The following TBXAS1 variants were observed in gnomAD, a reference collection of about 807,000 sequenced individuals.
TBXAS1 encodes thromboxane-A synthase.
Under a neutral mutation model 60.7 loss-of-function variants are expected in TBXAS1, and 48 were observed. The observed-to-expected ratio is 0.79, with a 90% CI of 0.63 to 1.01. The LOEUF is 1.01. TBXAS1 is among the 50% of genes least tolerant of loss of function. The pLI is 0.00. For missense variants in TBXAS1, 685 were observed against 686.3 expected, an observed-to-expected ratio of 1.00 and a Z score of 0.02; for synonymous variants, 287 against 269.7, an observed-to-expected ratio of 1.06 and a Z score of -0.63.
At chr7:139,784,603 A>T (rs1249201878) in intron 3 of TBXAS1, among the ~76,000 whole-genome samples, 1 of 152,224 alleles carries the variant, frequency 6.6e-6, no homozygotes, top group Non-Finnish European at 1.5e-5. Context: ...AATGTCTAGG[A>T]TATGTAAGAA....
chr7:139,930,400 G>A (rs2117155233), intron 4 of TBXAS1, among the ~76,000 whole-genome samples: 1 of 152,118 alleles, frequency 6.6e-6, no homozygotes, highest in Non-Finnish European at 1.5e-5. Flanking sequence ...AGTGAGTGAA[G>A]CCTCACAACT....
At chr7:139,872,560 A>C (rs1326083846) in intron 2 of TBXAS1, among the ~76,000 whole-genome samples, 2 of 152,238 alleles carry the variant, frequency 1.3e-5, no homozygotes, top group South Asian at 2.1e-4. Flanking sequence ...AGGCTGAGGC[A>C]GGAGAATCAC....
intron 5 of TBXAS1, among the ~76,000 whole-genome samples, chr7:139,950,031 G>A (rs1809072235): frequency 7.3e-6 from 1 of 137,762 alleles, no homozygotes; most frequent in Non-Finnish European, 1.5e-5. Context: ...TGTTGCAGGT[G>A]ATGGGATTTT....
chr7:139,862,034 G>C (rs1328628826), intron 1 of TBXAS1, among the ~76,000 whole-genome samples: 1 of 152,204 alleles, frequency 6.6e-6, no homozygotes, highest in Non-Finnish European at 1.5e-5. Flanking sequence ...TTGAGAAGTT[G>C]GTGGATTGTG....
chr7:140,000,001 C>T (rs549557406), intron 9 of TBXAS1, among the ~76,000 whole-genome samples: 1 of 152,284 alleles, frequency 6.6e-6, no homozygotes, highest in African/African-American at 2.4e-5. Context: ...TCTGCACACA[C>T]ACCCAGTGTG....
intron 3 of TBXAS1, among the ~76,000 whole-genome samples, chr7:139,903,303 C>T (rs1584809987): frequency 6.6e-6 from 1 of 152,104 alleles, no homozygotes; most frequent in East Asian, 1.9e-4. Context: ...GCATAGTATT[C>T]CACCATACAT....
intron 1 of TBXAS1, among the ~76,000 whole-genome samples, chr7:139,856,596 C>CTATGGGAGGAGTCATGAATATT (rs1258656651): frequency 6.6e-5 from 10 of 152,180 alleles, no homozygotes. Flanking sequence ...ATTCAATAAG[C>CTATGGGAGGAGTCATGAATATT]TATGGGAGGA....
rs182120185 is a variant in TBXAS1 at position 139,804,952 on chromosome 7, T to A, written c.-80+17526T>A. On this transcript the variant is annotated intron_variant, in intron 4 of 16. Transcript: ENST00000336425. ...TAATATATTTTGGAATGAGGAAAGATCTCTCTTGACTATGCATTCCCCCAA... is the reference window on the plus strand; with the variant it reads ...TAATATATTTTGGAATGAGGAAAGAACTCTCTTGACTATGCATTCCCCCAA... Among the ~76,000 whole-genome samples, 7 of 152,368 alleles carry A rather than the reference T, an allele frequency of 4.6e-5. No individual in the cohort carries two copies. In the East Asian group the frequency reaches 1.3e-3, roughly 29 times the overall value.
In TBXAS1 at chr7:139,896,545, G is replaced by A. The variant is rs929682936; in HGVS notation, c.237-14680G>A. On this transcript the variant is annotated intron_variant, in intron 3 of 12. Transcript: ENST00000448866. This position sits in a 1 kb window ranked among gnomAD's most constrained non-coding sequence, Gnocchi z 4.0. ...CTGGGCTATGGTATTTTACACATTC[G>A]TGACAAATACAGCAACATCTGTCAG... 1.1e-4 allele frequency among the ~76,000 whole-genome samples: 17 copies of A among 152,160 alleles called. No homozygotes were observed. The highest frequency in any genetic ancestry group is 6.2e-4 in the South Asian group (3 of 4,830).
At chr7:139,987,595 T>C (rs1297635762) in intron 9 of TBXAS1, among the ~76,000 whole-genome samples, 1 of 152,188 alleles carries the variant, frequency 6.6e-6, no homozygotes, top group Non-Finnish European at 1.5e-5. Flanking sequence ...TCACCCTGTG[T>C]CTTCCAACTT....
At position 139,957,883 on chromosome 7, in the gene TBXAS1, A is replaced by G. The variant is rs548040102; in HGVS notation, c.819+119A>G. ...CATCACACCGTGCCGTCCTTCAGCAACCCACCACTTACAGCTTCCAGGGAC... is the reference window on the plus strand; with the variant it reads ...CATCACACCGTGCCGTCCTTCAGCAGCCCACCACTTACAGCTTCCAGGGAC... On this transcript the variant is annotated intron_variant, in intron 8 of 12. Coordinates refer to ENST00000448866, the MANE Select transcript of TBXAS1 (RefSeq NM_001061.7). 43 of 1,425,792 alleles carry G rather than the reference A, an allele frequency of 3.0e-5. No individual in the cohort carries two copies. The African/African-American group carries it at 5.6e-4, about 19-fold the overall frequency. 88.3% of individuals were successfully genotyped at this position (1,425,792 alleles called of 1,614,324 possible). A position where few individuals can be genotyped will look rare whatever the true frequency, so the allele number is the denominator to read the frequency against.
chr7:139,800,142 C>T (rs1012958684), intron 4 of TBXAS1, among the ~76,000 whole-genome samples: 2 of 152,180 alleles, frequency 1.3e-5, no homozygotes, highest in African/African-American at 2.4e-5. Context: ...GAAGAACCTC[C>T]TGACAGTTCC....
At chr7:139,883,203 C>A (rs1802827960) in intron 3 of TBXAS1, among the ~76,000 whole-genome samples, 1 of 152,032 alleles carries the variant, frequency 6.6e-6, no homozygotes, top group Non-Finnish European at 1.5e-5. Flanking sequence ...TGATTTGAGT[C>A]CCACTTTTCT....
At chr7:139,912,929 A>G in intron 4 of TBXAS1, 1 of 596,516 alleles carries the variant, frequency 1.7e-6, no homozygotes, top group Non-Finnish European at 3.0e-6. Flanking sequence ...GCAGGGATTC[A>G]TGTGCCATCT....
chr7:139,906,070 CT>C (rs35857550), intron 3 of TBXAS1: 110,311 of 347,070 alleles, frequency 0.32, 8,340 homozygotes, highest in African/African-American at 0.43. Flanking sequence ...ACTCTAGCAT[CT>C]TTTTTTTTTT....
intron 5 of TBXAS1, chr7:139,952,716 G>A: frequency 6.7e-7 from 1 of 1,492,788 alleles, no homozygotes; most frequent in Non-Finnish European, 8.9e-7. Flanking sequence ...TAACATAAAA[G>A]TATTTTCCTA....
At chr7:140,000,739 T>G (rs1195923546) in intron 9 of TBXAS1, among the ~76,000 whole-genome samples, 1 of 152,220 alleles carries the variant, frequency 6.6e-6, no homozygotes, top group East Asian at 1.9e-4. Flanking sequence ...GAGCAGTTAT[T>G]TTATAAAATA....
At chr7:139,864,964 C>T (rs1427386484) in intron 1 of TBXAS1, among the ~76,000 whole-genome samples, 1 of 152,106 alleles carries the variant, frequency 6.6e-6, no homozygotes, top group African/African-American at 2.4e-5. Flanking sequence ...AAGGAGATGT[C>T]CGATTCTTAT....
At position 139,966,692 on chromosome 7, in the gene TBXAS1, A is replaced by C. The variant is rs148108837; in HGVS notation, c.1134+4459A>C. 4.1e-4 allele frequency among the ~76,000 whole-genome samples: 62 copies of C among 152,340 alleles called. No homozygotes were observed. In the East Asian group the frequency reaches 0.011, roughly 27 times the overall value. Reference sequence around the variant, plus strand: ...CTGTCCGTGATGATACTTTGGACAGATCTCAATGATTTCTGGTCATTTTGG... The same window carrying C: ...CTGTCCGTGATGATACTTTGGACAGCTCTCAATGATTTCTGGTCATTTTGG... On this transcript the variant is annotated intron_variant, in intron 9 of 12. Coordinates refer to ENST00000448866, the MANE Select transcript of TBXAS1 (RefSeq NM_001061.7).
Sources: gnomAD v4.1 joint callset for allele counts (sites outside exome capture counted in the v4.1 genomes callset) on GRCh38, gnomAD v4.1.1 for gene constraint, Gnocchi (gnomAD v3.1) non-coding constraint, MANE v1.5 for transcripts, NCBI Gene and HGNC (gene_info 2026-07-23, HGNC 2026-07-21) for gene names.